The following IMMP2L variants were observed in gnomAD, a reference collection of about 807,000 sequenced individuals.
The protein encoded by IMMP2L is mitochondrial inner membrane protease subunit 2.
In IMMP2L, 18 loss-of-function variants were observed where a neutral mutation model predicts 19.3. The observed-to-expected ratio is 0.93, with a 90% CI of 0.64 to 1.38. IMMP2L has a LOEUF of 1.38. Ranked by LOEUF, IMMP2L falls within the 40% of genes most tolerant of loss-of-function variation. The pLI is 0.00. For synonymous variants in IMMP2L, 76 were observed against 73.0 expected (o/e 1.04, Z -0.21); for missense variants, 233 against 218.2 (o/e 1.07, Z -0.43).
At chr7:111,184,833 C>A (rs1233940760) in intron 3 of IMMP2L, among the ~76,000 whole-genome samples, 1 of 151,956 alleles carries the variant, frequency 6.6e-6, no homozygotes, top group East Asian at 1.9e-4. Flanking sequence ...GTATTCAATG[C>A]ATAGAAACCA....
At chr7:111,539,198 GAAAGAAAGAAAGAAA>G (rs1848240518) in intron 1 of IMMP2L, among the ~76,000 whole-genome samples, 2 of 43,324 alleles carry the variant, frequency 4.6e-5, no homozygotes, top group African/African-American at 1.0e-4. Context: ...GAAGGAGGGA[GAAAGAAAGAAAGAAA>G]GAAAGAAAGA....
At chr7:111,533,819 T>C (rs1435434140) in intron 1 of IMMP2L, among the ~76,000 whole-genome samples, 2 of 151,858 alleles carry the variant, frequency 1.3e-5, no homozygotes, top group African/African-American at 4.8e-5. Flanking sequence ...TTTTACAAAA[T>C]CCAGAAAACA....
At chr7:111,261,659 C>T (rs995549925) in intron 3 of IMMP2L, among the ~76,000 whole-genome samples, 3 of 152,050 alleles carry the variant, frequency 2.0e-5, no homozygotes, top group Non-Finnish European at 4.4e-5. Flanking sequence ...ATTCTTAATC[C>T]AGACTAAAGA....
intron 3 of IMMP2L, chr7:111,097,093 T>C (rs2301733): frequency 0.46 from 69,409 of 151,630 alleles, 17,253 homozygotes; most frequent in Non-Finnish European, 0.58. Context: ...TCACCACTTT[T>C]TGCATGTTTG....
intron 3 of IMMP2L, among the ~76,000 whole-genome samples, chr7:111,157,929 C>T (rs1168910465): frequency 6.6e-6 from 1 of 151,448 alleles, no homozygotes; most frequent in Non-Finnish European, 1.5e-5. Context: ...AAACAGTGAA[C>T]ACATTTTCTG....
chr7:110,806,927 G>C (rs1392024515), intron 5 of IMMP2L, among the ~76,000 whole-genome samples: 2 of 151,932 alleles, frequency 1.3e-5, no homozygotes, highest in African/African-American at 4.8e-5. Context: ...CCCGACTGTG[G>C]TTTGAGGAGG....
chr7:111,004,933 T>C (rs761561856), intron 3 of IMMP2L, among the ~76,000 whole-genome samples: 33 of 152,158 alleles, frequency 2.2e-4, no homozygotes, highest in Non-Finnish European at 3.4e-4. Flanking sequence ...ACTTATCACA[T>C]CAAAGCTATT....
chr7:111,148,774 G>A (rs1803761583), intron 3 of IMMP2L, among the ~76,000 whole-genome samples: 4 of 151,904 alleles, frequency 2.6e-5, no homozygotes, highest in Admixed American at 1.3e-4. Context: ...GTGTGGGTCT[G>A]TGTGTGTTAC....
chr7:111,513,384 GAAATT>G (rs1388735327), intron 2 of IMMP2L, among the ~76,000 whole-genome samples: 2 of 152,070 alleles, frequency 1.3e-5, no homozygotes, highest in Admixed American at 6.6e-5. Context: ...CAGGGAAATG[GAAATT>G]AAATTAAATG....
chr7:111,123,747 T>A lies in IMMP2L; in HGVS notation c.240-160182A>T, dbSNP rs1038787127. ...CTAACAACCCTAGATTGTCTTACAT[T>A]CACCCCAATGCATTTTTCAGACTCC... On this transcript the variant is annotated intron_variant, in intron 3 of 5. Coordinates refer to ENST00000405709, the MANE Select transcript of IMMP2L (RefSeq NM_032549.4). The surrounding 1 kb of genome is among the most constrained non-coding windows in gnomAD (Gnocchi z 6.4). 6.2e-7 allele frequency: 1 copy of A among 1,613,822 alleles called. No homozygotes were observed. The highest frequency in any genetic ancestry group is 8.5e-7 in the Non-Finnish European group (1 of 1,179,972).
intron 5 of IMMP2L, among the ~76,000 whole-genome samples, chr7:110,705,991 T>C (rs541182555): frequency 3.9e-5 from 6 of 152,284 alleles, no homozygotes; most frequent in Non-Finnish European, 5.9e-5. Context: ...TGATTCCTTC[T>C]CTTTGCTATT....
At chr7:111,420,304 C>T (rs1835364033) in intron 3 of IMMP2L, among the ~76,000 whole-genome samples, 1 of 151,764 alleles carries the variant, frequency 6.6e-6, no homozygotes, top group Admixed American at 6.6e-5. Context: ...TTTACTACCA[C>T]ACAAATTGAG....
intron 5 of IMMP2L, among the ~76,000 whole-genome samples, chr7:110,730,537 T>C (rs1373941562): frequency 6.6e-6 from 1 of 151,868 alleles, no homozygotes; most frequent in South Asian, 2.1e-4. Flanking sequence ...TTTTTCTTTT[T>C]TTTTTTTTTG....
chr7:110,857,121 T>C lies in IMMP2L; in HGVS notation c.408+29472A>G, dbSNP rs145656377. Among the ~76,000 whole-genome samples, 409 of 152,180 alleles carry C rather than the reference T, an allele frequency of 2.7e-3. 7 individuals are homozygous for C. Among genetic ancestry groups the C allele is most frequent in the African/African-American group, 9.6e-3 (397 of 41,554 alleles). ...ATAGCTATTTGTGTGCCATAGATAA[T>C]ACTTTCTCTAAGGATTTTCAAACAC... On this transcript the variant is annotated intron_variant, in intron 5 of 5. Transcript: ENST00000405709.
chr7:111,445,158 T>C (rs1346295873), intron 3 of IMMP2L, among the ~76,000 whole-genome samples: 1 of 152,050 alleles, frequency 6.6e-6, no homozygotes, highest in Non-Finnish European at 1.5e-5. Flanking sequence ...CTTCTCACAA[T>C]TATCCTTCTC....
At chr7:110,913,902 G>A (rs938145308) in intron 4 of IMMP2L, among the ~76,000 whole-genome samples, 4 of 152,216 alleles carry the variant, frequency 2.6e-5, no homozygotes, top group African/African-American at 9.6e-5. Flanking sequence ...AAGAGCAGAA[G>A]CACTGTTGGG....
At chr7:110,950,019 G>C (rs1377473853) in intron 4 of IMMP2L, among the ~76,000 whole-genome samples, 1 of 152,102 alleles carries the variant, frequency 6.6e-6, no homozygotes, top group Non-Finnish European at 1.5e-5. Context: ...TATGTTGCAG[G>C]CTGCATGAAA....
At chr7:111,214,836 C>G (rs1586866788) in intron 3 of IMMP2L, among the ~76,000 whole-genome samples, 1 of 150,540 alleles carries the variant, frequency 6.6e-6, no homozygotes, top group Non-Finnish European at 1.5e-5. Context: ...ATTCAAAATA[C>G]AGCCACAGGC....
chr7:110,988,300 C>A (rs1822068752), intron 3 of IMMP2L, among the ~76,000 whole-genome samples: 1 of 152,330 alleles, frequency 6.6e-6, no homozygotes, highest in South Asian at 2.1e-4. Flanking sequence ...CCATCATCAA[C>A]ACACAGCTTC....
Sources: allele counts gnomAD v4.1 joint callset (sites outside exome capture counted in the v4.1 genomes callset), GRCh38; gene constraint gnomAD v4.1.1; non-coding constraint Gnocchi (gnomAD v3.1); transcripts MANE v1.5; gene names NCBI Gene and HGNC (gene_info 2026-07-23, HGNC 2026-07-21).